The following OPRM1 variants were observed in gnomAD, a reference collection of about 807,000 sequenced individuals.
OPRM1 encodes the protein opioid receptor mu 1.
A neutral mutation model predicts 31.8 loss-of-function variants in OPRM1; 27 were observed. The observed-to-expected ratio is 0.85, with a 90% CI of 0.63 to 1.17. The LOEUF (loss-of-function observed/expected upper bound fraction) is 1.17, where lower values mean the gene tolerates loss of function less well. OPRM1 is among the 50% of genes most tolerant of loss of function. OPRM1 has a pLI of 0.00. For synonymous variants in OPRM1, 196 were observed against 189.9 expected, an observed-to-expected ratio of 1.03 and a Z score of -0.26; for missense variants, 536 against 511.1, an observed-to-expected ratio of 1.05 and a Z score of -0.47.
Position 154,235,547 on chromosome 6 carries a change from A to T in OPRM1, c.1165-11146A>T, listed in dbSNP as rs73001428. On this transcript the variant is annotated intron_variant, in intron 3 of 3. Transcript: ENST00000337049. ...ACTCTGTCACAAAAAAAAAAAAAAA[A>T]AAAAGTAATGAAGACAAAGTTAAGT... Among the ~76,000 whole-genome samples the T allele has an allele frequency of 2.4e-4, 36 of 149,818 alleles. No individual in the cohort carries two copies. The South Asian group carries it at 3.6e-3, about 15-fold the overall frequency.
intron 1 of OPRM1, among the ~76,000 whole-genome samples, chr6:154,082,112 A>G (rs1306231825): frequency 6.6e-6 from 1 of 152,202 alleles, no homozygotes; most frequent in Admixed American, 6.5e-5. Context: ...GCACAGCAAA[A>G]ACAAATATTC....
chr6:154,149,781 G>T (rs990137053), intron 3 of OPRM1, among the ~76,000 whole-genome samples: 1 of 152,102 alleles, frequency 6.6e-6, no homozygotes, highest in African/African-American at 2.4e-5. Context: ...AGCCATTCCA[G>T]CCTTGTGCCT....
rs1326644715 is a variant in OPRM1, at chr6:154,119,310, A to G, written c.*589A>G. ...AATAACATCTCTTTCATCTAGCTCC[A>G]TAATTGCAAGGGAAGAGATTAGCAT... On this transcript the variant is annotated 3_prime_UTR_variant, in exon 4 of 4. Transcript: ENST00000330432. 7 of 985,352 alleles carry G rather than the reference A, an allele frequency of 7.1e-6. No homozygotes were observed. The allele number at this position is 985,352 out of a possible 1,614,324, so 61.0% of individuals were successfully genotyped here. A position where few individuals can be genotyped will look rare whatever the true frequency, so the allele number is the denominator to read the frequency against.
At chr6:154,011,541 A>G (rs538401520) in intron 1 of OPRM1, among the ~76,000 whole-genome samples, 1 of 152,328 alleles carries the variant, frequency 6.6e-6, no homozygotes, top group Non-Finnish European at 1.5e-5. Flanking sequence ...ATTCAACACA[A>G]TGCTCATACA....
chr6:154,161,034 C>T (rs183915838), intron 3 of OPRM1, among the ~76,000 whole-genome samples: 34 of 152,252 alleles, frequency 2.2e-4, no homozygotes, highest in Non-Finnish European at 3.8e-4. Context: ...TTTGACTTCC[C>T]AGTCTAATGT....
Position 154,178,584 on chromosome 6 carries a change from A to G in OPRM1, c.1165-68109A>G, listed in dbSNP as rs540811341. Among the ~76,000 whole-genome samples the G allele has an allele frequency of 8.5e-4, 130 of 152,346 alleles. 1 individual carries two copies. Among genetic ancestry groups the G allele is most frequent in the South Asian group, 4.8e-3 (23 of 4,828 alleles). ...GTAAATACAACTTGATCTTCCAATA[A>G]ATAACTAAACTTTAAAATTAACAAA... On this transcript the variant is annotated intron_variant, in intron 3 of 3. Coordinates refer to the OPRM1 transcript ENST00000337049.
chr6:154,061,493 A>C (rs185467621), intron 1 of OPRM1, among the ~76,000 whole-genome samples: 44 of 152,284 alleles, frequency 2.9e-4, no homozygotes, highest in Non-Finnish European at 4.4e-5. Context: ...GCAGCCATAA[A>C]AAAGAATGAA....
At position 154,128,685 on chromosome 6, in the gene OPRM1, G is replaced by A. The variant is rs149449118; in HGVS notation, c.*9964G>A. On this transcript the variant is annotated 3_prime_UTR_variant, in exon 4 of 4. Transcript: ENST00000330432. ...CATACTGGTTGTTCTCGAACTAGCTGGTTTCCCAGAGACAGCTGGAGACTG... is the reference window on the plus strand; with the variant it reads ...CATACTGGTTGTTCTCGAACTAGCTAGTTTCCCAGAGACAGCTGGAGACTG... Among the ~76,000 whole-genome samples the A allele has an allele frequency of 2.1e-3, 326 of 152,260 alleles. No individual in the cohort carries two copies. Among genetic ancestry groups the A allele is most frequent in the African/African-American group, 7.5e-3 (310 of 41,544 alleles).
At chr6:154,227,995 A>G (rs973643261) in intron 3 of OPRM1, among the ~76,000 whole-genome samples, 1 of 152,116 alleles carries the variant, frequency 6.6e-6, no homozygotes, top group Admixed American at 6.5e-5. Flanking sequence ...TGCAAAAAAA[A>G]AATGCCTCAA....
At position 154,058,511 on chromosome 6, in the gene OPRM1, G is replaced by A. The variant is rs187556825; in HGVS notation, c.290+18677G>A. On this transcript the variant is annotated intron_variant, in intron 1 of 3. Transcript: ENST00000330432. ...CATCAATTATCTTTAGCCCACATGA[G>A]AAACATCTAGAAGCAATGTTAGTAC... is the stretch of plus-strand genomic sequence containing the variant. Among the ~76,000 whole-genome samples the A allele has an allele frequency of 3.3e-5, 5 of 152,248 alleles. No individual in the cohort carries two copies. The East Asian group carries it at 9.6e-4, about 29-fold the overall frequency.
chr6:154,071,993 G>A (rs1370777611), intron 1 of OPRM1, among the ~76,000 whole-genome samples: 3 of 152,146 alleles, frequency 2.0e-5, no homozygotes, highest in Non-Finnish European at 4.4e-5. Context: ...ACAGACTGAT[G>A]GTTAGCAACC....
intron 3 of OPRM1, among the ~76,000 whole-genome samples, chr6:154,167,183 TA>T (rs1268844874): frequency 6.6e-6 from 1 of 152,254 alleles, no homozygotes; most frequent in African/African-American, 2.4e-5. Context: ...AATCGTCTGC[TA>T]AATCAGGAGC....
At chr6:154,149,022 CA>C (rs1798427443) in intron 3 of OPRM1, among the ~76,000 whole-genome samples, 1 of 152,108 alleles carries the variant, frequency 6.6e-6, no homozygotes, top group South Asian at 2.1e-4. Context: ...TACACTTGCC[CA>C]AGTAAATGGT....
chr6:154,180,551 T>C (rs1446731365), intron 3 of OPRM1, among the ~76,000 whole-genome samples: 1 of 152,008 alleles, frequency 6.6e-6, no homozygotes, highest in Non-Finnish European at 1.5e-5. Context: ...TCCTCTTCCA[T>C]ACCCCAGTCT....
Position 154,122,636 on chromosome 6 carries a change from G to A in OPRM1, c.*3915G>A, listed in dbSNP as rs1397872066. 6.6e-6 allele frequency among the ~76,000 whole-genome samples: 1 copy of A among 152,114 alleles called. No homozygotes were observed. Among genetic ancestry groups the A allele is most frequent in the Non-Finnish European group, 1.5e-5 (1 of 68,022 alleles). ...TCTTCAAAAATATAAAAAGTACAAG[G>A]AATTGTGTACATTACAAACTGCTCC... On this transcript the variant is annotated 3_prime_UTR_variant, in exon 4 of 4. Coordinates refer to ENST00000330432, the MANE Select transcript of OPRM1 (RefSeq NM_000914.5).
intron 3 of OPRM1, among the ~76,000 whole-genome samples, chr6:154,180,974 G>A (rs951945573): frequency 3.9e-5 from 6 of 152,042 alleles, no homozygotes; most frequent in Admixed American, 1.3e-4. Flanking sequence ...TTGTCACCAA[G>A]AGAAGAAAAA....
chr6:154,115,182 C>T (rs1463714658), intron 3 of OPRM1, among the ~76,000 whole-genome samples: 1 of 152,102 alleles, frequency 6.6e-6, no homozygotes, highest in Admixed American at 6.6e-5. Context: ...AAGAGAAGGA[C>T]CTCGGAGAAC....
In OPRM1 at chr6:154,046,472, A is replaced by T. The variant is rs375398210; in HGVS notation, c.290+6638A>T. 3.9e-5 allele frequency among the ~76,000 whole-genome samples: 6 copies of T among 152,146 alleles called. No individual in the cohort carries two copies. In the East Asian group the frequency reaches 1.2e-3, roughly 29 times the overall value. ...AAACAAACAAACAAAAAATCCTGCC[A>T]CTCCCTTTTCCATTAATTTCATGTT... is the stretch of plus-strand genomic sequence containing the variant. On this transcript the variant is annotated intron_variant, in intron 1 of 3. Coordinates refer to ENST00000330432, the MANE Select transcript of OPRM1 (RefSeq NM_000914.5).
rs148963183 is a variant in OPRM1 at position 154,077,897 on chromosome 6, CTATT to C, written c.291-11925_291-11922del. On this transcript the variant is annotated intron_variant, in intron 1 of 3. Transcript: ENST00000330432. ...CTACTTTTTTTTTTTTAACTCATAT[CTATT>C]TATCATCCAACCCTACCACTCCAAG... 9.4e-3 allele frequency among the ~76,000 whole-genome samples: 1,424 copies of C among 150,938 alleles called. 20 individuals carry two copies. Among genetic ancestry groups the C allele is most frequent in the African/African-American group, 0.033 (1,370 of 41,118 alleles).
Sources: allele counts gnomAD v4.1 joint callset (sites outside exome capture counted in the v4.1 genomes callset), GRCh38; gene constraint gnomAD v4.1.1; transcripts MANE v1.5; gene names NCBI Gene and HGNC (gene_info 2026-07-23, HGNC 2026-07-21).